Variants in TSPAN9 observed in about 807,000 individuals in gnomAD.
TSPAN9 encodes the protein tetraspanin 9.
In TSPAN9, 16 loss-of-function variants were observed where a neutral mutation model predicts 31.0. The observed-to-expected ratio is 0.52, with a 90% CI of 0.35 to 0.78. TSPAN9 has a LOEUF of 0.78. Ranked by LOEUF, TSPAN9 falls within the 30% of genes least tolerant of loss-of-function variation. The probability of loss-of-function intolerance (pLI) is 0.01; values close to 1 mark genes in which losing one functional copy is unlikely to be tolerated. For synonymous variants in TSPAN9, 145 were observed against 121.6 expected, an observed-to-expected ratio of 1.19 and a Z score of -1.27; for missense variants, 272 against 312.5, an observed-to-expected ratio of 0.87 and a Z score of 0.98.
At chr12:3,152,568 C>T (rs35705415) in intron 2 of TSPAN9, among the ~76,000 whole-genome samples, 9,961 of 152,118 alleles carry the variant, frequency 0.065, 506 homozygotes, top group Non-Finnish European at 0.09. Context: ...TAGAGGCTGT[C>T]GTCAGAGCCC....
At chr12:3,239,404 G>A (rs2098395430) in intron 3 of TSPAN9, among the ~76,000 whole-genome samples, 1 of 152,192 alleles carries the variant, frequency 6.6e-6, no homozygotes, top group South Asian at 2.1e-4. Context: ...ACAGAGGGCA[G>A]CACCTTCTTT....
chr12:3,104,207 C>T (rs1416649144), intron 2 of TSPAN9, among the ~76,000 whole-genome samples: 1 of 152,032 alleles, frequency 6.6e-6, no homozygotes, highest in Non-Finnish European at 1.5e-5. Flanking sequence ...GGGGCTTTAG[C>T]TCTTATGGCA....
At chr12:3,090,794 C>T (rs776219627) in intron 2 of TSPAN9, among the ~76,000 whole-genome samples, 12 of 69,454 alleles carry the variant, frequency 1.7e-4, no homozygotes, top group African/African-American at 4.7e-4. Context: ...AGGAATAGAC[C>T]GCAGAGATAA....
chr12:3,112,423 GC>G (rs1370194248), intron 2 of TSPAN9, among the ~76,000 whole-genome samples: 1 of 151,830 alleles, frequency 6.6e-6, no homozygotes. Context: ...TGATCCTCCT[GC>G]CTCAGCCTCC....
chr12:3,238,084 C>T (rs1409719800), intron 3 of TSPAN9, among the ~76,000 whole-genome samples: 2 of 152,182 alleles, frequency 1.3e-5, no homozygotes, highest in African/African-American at 2.4e-5. Flanking sequence ...AAGAGAAGGA[C>T]GAGACTATTC....
chr12:3,146,957 C>G (rs1243495186), intron 2 of TSPAN9, among the ~76,000 whole-genome samples: 1 of 152,082 alleles, frequency 6.6e-6, no homozygotes, highest in Non-Finnish European at 1.5e-5. Flanking sequence ...TTCTCTGAGC[C>G]TCAGTTTCCT....
chr12:3,165,102 G>C (rs1325748032), intron 2 of TSPAN9, among the ~76,000 whole-genome samples: 3 of 152,206 alleles, frequency 2.0e-5, no homozygotes, highest in African/African-American at 4.8e-5. Flanking sequence ...ATGCCTCTCT[G>C]TGATCTGTAT....
At chr12:3,122,586 A>G (rs7980759) in intron 2 of TSPAN9, among the ~76,000 whole-genome samples, 27,874 of 151,758 alleles carry the variant, frequency 0.18, 2,653 homozygotes, top group Middle Eastern at 0.24. Flanking sequence ...CCTAGCAGGG[A>G]TTTTGAATCT....
chr12:3,184,665 C>T (rs1374258689), intron 2 of TSPAN9, among the ~76,000 whole-genome samples: 2 of 152,098 alleles, frequency 1.3e-5, no homozygotes, highest in African/African-American at 2.4e-5. Flanking sequence ...ATTAGAGCCA[C>T]GGGATGCTGC....
intron 2 of TSPAN9, among the ~76,000 whole-genome samples, chr12:3,160,743 T>C (rs967713916): frequency 6.6e-6 from 1 of 152,276 alleles, no homozygotes; most frequent in African/African-American, 2.4e-5. Flanking sequence ...TTGCCACTTG[T>C]GTATCTTCTA....
At position 3,109,299 on chromosome 12, in the gene TSPAN9, T is replaced by TGTGTGTGTGAGAGAGA. The variant is rs1274383200; in HGVS notation, c.-18+25581_-18+25582insTGTGTGTGAGAGAGAG. ...GTGTGTGTGTGTGTGTGTGTGTGTG[T>TGTGTGTGTGAGAGAGA]GAGAGAGAGTGTGTGTGTGTGTGTG... is the stretch of plus-strand genomic sequence containing the variant. On this transcript the variant is annotated intron_variant, in intron 2 of 8. Coordinates refer to ENST00000011898, the MANE Select transcript of TSPAN9 (RefSeq NM_006675.5). 1.1e-3 allele frequency among the ~76,000 whole-genome samples: 133 copies of TGTGTGTGTGAGAGAGA among 118,324 alleles called. 1 individual carries two copies. Among genetic ancestry groups the TGTGTGTGTGAGAGAGA allele is most frequent in the African/African-American group, 5.9e-3 (129 of 21,970 alleles). The allele number at this position is 118,324 out of a possible 152,430, so 77.6% of individuals were successfully genotyped here.
chr12:3,101,931 C>G (rs1280494398), intron 2 of TSPAN9, among the ~76,000 whole-genome samples: 2 of 152,172 alleles, frequency 1.3e-5, no homozygotes, highest in Non-Finnish European at 2.9e-5. Context: ...ATCTGTTCAT[C>G]CGCTCCTTTC....
At chr12:3,225,765 C>G (rs955986075) in intron 3 of TSPAN9, among the ~76,000 whole-genome samples, 1 of 151,414 alleles carries the variant, frequency 6.6e-6, no homozygotes, top group Non-Finnish European at 1.5e-5. Flanking sequence ...AAATAGGTTT[C>G]GTATATCAGA....
At chr12:3,098,611 C>T (rs1047822480) in intron 2 of TSPAN9, among the ~76,000 whole-genome samples, 15 of 152,118 alleles carry the variant, frequency 9.9e-5, no homozygotes, top group African/African-American at 3.4e-4. Flanking sequence ...TCACTTTGTC[C>T]GTATTGTTTC....
At chr12:3,215,069 C>G (rs914579592) in intron 3 of TSPAN9, among the ~76,000 whole-genome samples, 12 of 152,096 alleles carry the variant, frequency 7.9e-5, no homozygotes, top group African/African-American at 2.9e-4. Flanking sequence ...CAAACACATA[C>G]CCTTCCCACC....
intron 2 of TSPAN9, among the ~76,000 whole-genome samples, chr12:3,186,745 G>C (rs1206228722): frequency 2.0e-5 from 3 of 152,168 alleles, no homozygotes; most frequent in Non-Finnish European, 4.4e-5. Context: ...CAGGAGACCA[G>C]ACAGGGGGCT....
At chr12:3,105,764 ACGCG>A (rs1491173161) in intron 2 of TSPAN9, among the ~76,000 whole-genome samples, 6 of 74,280 alleles carry the variant, frequency 8.1e-5, no homozygotes, top group African/African-American at 1.3e-4. Context: ...ACACGCACAC[ACGCG>A]CACGCACACA....
rs545967592 is a variant in TSPAN9 at position 3,080,628 on chromosome 12, G to A, written c.-84-3025G>A. Among the ~76,000 whole-genome samples, 336 of 152,254 alleles carry A rather than the reference G, an allele frequency of 2.2e-3. 1 individual carries two copies. Among genetic ancestry groups the A allele is most frequent in the Non-Finnish European group, 4.0e-3 (270 of 68,022 alleles). ...TGGGATTACAAGCATGAGCCACCGC[G>A]CCTGGCAAATGTAAAATCTTAAGTG... On this transcript the variant is annotated intron_variant, in intron 1 of 8. Coordinates refer to ENST00000011898, the MANE Select transcript of TSPAN9 (RefSeq NM_006675.5).
intron 2 of TSPAN9, among the ~76,000 whole-genome samples, chr12:3,165,022 TC>T (rs2098347561): frequency 6.6e-6 from 1 of 152,196 alleles, no homozygotes; most frequent in African/African-American, 2.4e-5. Flanking sequence ...AAAGAGGCTC[TC>T]GTCTGGTGGC....
Sources: gnomAD v4.1 joint callset for allele counts (sites outside exome capture counted in the v4.1 genomes callset) on GRCh38, gnomAD v4.1.1 for gene constraint, MANE v1.5 for transcripts, NCBI Gene and HGNC (gene_info 2026-07-23, HGNC 2026-07-21) for gene names.